ADCY1: variants seen among roughly 807,000 people sequenced by gnomAD.
The protein encoded by ADCY1 is adenylate cyclase 1, also known as adenylate cyclase type 1.
ADCY1 carries 28 observed loss-of-function variants against 105.4 expected under a neutral mutation model. That is an observed-to-expected ratio of 0.27 (90% CI 0.20 to 0.36). ADCY1 has a LOEUF of 0.36. ADCY1 is among the 10% of genes least tolerant of loss of function. The pLI is 1.00. For synonymous variants in ADCY1, 655 were observed against 623.8 expected (o/e 1.05, Z -0.75); for missense variants, 977 against 1,434.2 (o/e 0.68, Z 5.15).
intron 2 of ADCY1, among the ~76,000 whole-genome samples, chr7:45,604,484 TTTTAA>T (rs1387600683): frequency 6.6e-6 from 1 of 152,234 alleles, no homozygotes; most frequent in Non-Finnish European, 1.5e-5. Context: ...CTATAACGTA[TTTTAA>T]TTTAATTTTT....
rs1915599 is a variant in ADCY1, at chr7:45,598,364, C to T, written c.789+5456C>T. ...TTACAAATAACTGAGCTAAAATGCT[C>T]CAAAGGGGTGTGAAGGTTCTTTTAA... On this transcript the variant is annotated intron_variant, in intron 2 of 19. Coordinates refer to ENST00000297323, the MANE Select transcript of ADCY1 (RefSeq NM_021116.4). Among the ~76,000 whole-genome samples the T allele has an allele frequency of 8.0e-3, 1,212 of 152,192 alleles. 68 individuals are homozygous for T. The East Asian group carries it at 0.13, about 16-fold the overall frequency.
intron 3 of ADCY1, among the ~76,000 whole-genome samples, 167 bp from the exon 4 acceptor site, chr7:45,622,465 T>C (rs1159624313): frequency 6.6e-6 from 1 of 152,190 alleles, no homozygotes; most frequent in African/African-American, 2.4e-5. Flanking sequence ...CTCAGTCTTC[T>C]CACCTGTATG....
chr7:45,662,340 G>A, intron 8 of ADCY1, 126 bp downstream of exon 8: 2 of 1,077,988 alleles, frequency 1.9e-6, no homozygotes, highest in Non-Finnish European at 2.6e-6. Flanking sequence ...GGATAATCTT[G>A]TAAATGCTGC....
At chr7:45,650,260 AT>A (rs1423335114) in intron 5 of ADCY1, among the ~76,000 whole-genome samples, 1 of 152,212 alleles carries the variant, frequency 6.6e-6, no homozygotes, top group Non-Finnish European at 1.5e-5. Context: ...CACATATTAT[AT>A]ATCACACGTC....
At chr7:45,679,401 A>G (rs1465224080) in intron 10 of ADCY1, among the ~76,000 whole-genome samples, 1 of 152,250 alleles carries the variant, frequency 6.6e-6, no homozygotes, top group Non-Finnish European at 1.5e-5. Context: ...ATCATGAGGA[A>G]AACGGCTTCC....
chr7:45,711,691 A>G (rs892769047), intron 19 of ADCY1, among the ~76,000 whole-genome samples: 1 of 142,508 alleles, frequency 7.0e-6, no homozygotes, highest in African/African-American at 2.6e-5. Flanking sequence ...ATACACACAC[A>G]TATATGTATA....
rs1792858709 is a variant in ADCY1, at chr7:45,589,941, G to A, written c.640-2818G>A. On this transcript the variant is annotated intron_variant, in intron 1 of 19. Coordinates refer to ENST00000297323, the MANE Select transcript of ADCY1 (RefSeq NM_021116.4). ...TGCCCTTCAGATATCCCAAGGGCAG[G>A]TAGTGATGGTTCCCATTCTCGTGAG... Among the ~76,000 whole-genome samples, 3 of 152,158 alleles carry A rather than the reference G, an allele frequency of 2.0e-5. No individual in the cohort carries two copies. The South Asian group carries it at 6.2e-4, about 32-fold the overall frequency.
At chr7:45,599,386 C>T (rs1478759437) in intron 2 of ADCY1, among the ~76,000 whole-genome samples, 2 of 151,282 alleles carry the variant, frequency 1.3e-5, no homozygotes, top group Admixed American at 1.3e-4. Flanking sequence ...CTTAGCTCTC[C>T]AGGAGCACTA....
chr7:45,691,572 T>A (rs573908924), intron 14 of ADCY1, among the ~76,000 whole-genome samples: 46 of 152,392 alleles, frequency 3.0e-4, no homozygotes, highest in African/African-American at 1.1e-3. Context: ...ATCTTCAGCC[T>A]CTTCGCCTGT....
At chr7:45,605,597 T>G (rs554453989) in intron 2 of ADCY1, among the ~76,000 whole-genome samples, 2 of 152,316 alleles carry the variant, frequency 1.3e-5, no homozygotes, top group East Asian at 3.9e-4. Context: ...CATGGTGTGT[T>G]GCACTGATTG....
In ADCY1 at chr7:45,715,350, A is replaced by T. The variant is rs564015792; in HGVS notation, c.*1355A>T. 2.6e-5 allele frequency: 4 copies of T among 152,370 alleles called. No homozygotes were observed. The highest frequency in any genetic ancestry group is 9.6e-5 in the African/African-American group (4 of 41,584). 9.4% of individuals were successfully genotyped at this position (152,370 alleles called of 1,614,324 possible). On this transcript the variant is annotated 3_prime_UTR_variant, in exon 20 of 20. Transcript: ENST00000297323. ...ATGTCTAAAGACCCACTGCTCTGAGATGTGGTCAGAGAGGTTTCTGTGGAC... is the reference window on the plus strand; with the variant it reads ...ATGTCTAAAGACCCACTGCTCTGAGTTGTGGTCAGAGAGGTTTCTGTGGAC...
rs1792918806 is a variant in ADCY1, at chr7:45,591,601, G to A, written c.640-1158G>A. Among the ~76,000 whole-genome samples the A allele has an allele frequency of 1.3e-5, 2 of 152,230 alleles. No individual in the cohort carries two copies. The highest frequency in any genetic ancestry group is 2.1e-4 in the South Asian group (1 of 4,838). ...AGACATAGAAATTCTCCAATTTTGC[G>A]AGTGACCAAGGGACACCCGTTTCAT... On this transcript the variant is annotated intron_variant, in intron 1 of 19. Coordinates refer to ENST00000297323, the MANE Select transcript of ADCY1 (RefSeq NM_021116.4). This position sits in a 1 kb window ranked among gnomAD's most constrained non-coding sequence, Gnocchi z 4.1.
At chr7:45,712,092 A>T (rs1785268957) in intron 19 of ADCY1, among the ~76,000 whole-genome samples, 1 of 127,390 alleles carries the variant, frequency 7.8e-6, no homozygotes, top group Non-Finnish European at 1.6e-5. Context: ...AATATATAAT[A>T]TATTTTATAA....
chr7:45,593,423 C>T (rs901728966), intron 2 of ADCY1, among the ~76,000 whole-genome samples: 11 of 152,192 alleles, frequency 7.2e-5, no homozygotes, highest in Admixed American at 1.3e-4. Flanking sequence ...CCTCCAGTGG[C>T]CGGCATCACC....
chr7:45,595,372 C>T (rs1020222602), intron 2 of ADCY1, among the ~76,000 whole-genome samples: 31 of 152,064 alleles, frequency 2.0e-4, no homozygotes, highest in African/African-American at 7.0e-4. Flanking sequence ...GTCTTTCTCC[C>T]GTTCTCCCTC....
rs548110629 is a variant in ADCY1, at chr7:45,709,791, C to T, written c.2933-737C>T. ...GAGAGCTGACAGCATGCTTGGTCCC[C>T]CTCTGTCCTGCCGAGGACGGGCCAG... is the stretch of plus-strand genomic sequence containing the variant. On this transcript the variant is annotated intron_variant, in intron 18 of 19. Transcript: ENST00000297323. 1.1e-4 allele frequency among the ~76,000 whole-genome samples: 17 copies of T among 152,342 alleles called. No individual in the cohort carries two copies. In the South Asian group the frequency reaches 3.1e-3, roughly 28 times the overall value.
At chr7:45,671,527 C>G (rs1202114631) in intron 8 of ADCY1, among the ~76,000 whole-genome samples, 2 of 152,002 alleles carry the variant, frequency 1.3e-5, no homozygotes, top group Non-Finnish European at 2.9e-5. Context: ...ATTTTATATC[C>G]CCATCCCCAG....
At position 45,716,126 on chromosome 7, in the gene ADCY1, G is replaced by C. The variant is rs1785353954; in HGVS notation, c.*2131G>C. On this transcript the variant is annotated 3_prime_UTR_variant, in exon 20 of 20. Coordinates refer to ENST00000297323, the MANE Select transcript of ADCY1 (RefSeq NM_021116.4). ...GGTGTTCTGGCATCACCTTGTGCCG[G>C]TGGGGGCTGGGCTCCCGTGAGGTCC... 6.5e-6 allele frequency: 1 copy of C among 152,820 alleles called. No individual in the cohort carries two copies. Among genetic ancestry groups the C allele is most frequent in the Non-Finnish European group, 1.5e-5 (1 of 68,544 alleles). The allele number at this position is 152,820 out of a possible 1,614,324, so 9.5% of individuals were successfully genotyped here. A position where few individuals can be genotyped will look rare whatever the true frequency, so the allele number is the denominator to read the frequency against.
At chr7:45,655,521 G>T (rs1340701389) in intron 5 of ADCY1, among the ~76,000 whole-genome samples, 3 of 152,252 alleles carry the variant, frequency 2.0e-5, no homozygotes, top group Non-Finnish European at 4.4e-5. Flanking sequence ...TCCCAGGAAT[G>T]GTGAAACCAA....
Sources: gnomAD v4.1 joint callset for allele counts (sites outside exome capture counted in the v4.1 genomes callset) on GRCh38, gnomAD v4.1.1 for gene constraint, Gnocchi (gnomAD v3.1) non-coding constraint, MANE v1.5 for transcripts, NCBI Gene and HGNC (gene_info 2026-07-23, HGNC 2026-07-21) for gene names.